Variants in HECW2 observed in about 807,000 individuals in gnomAD.
The protein encoded by HECW2 is HECT, C2 and WW domain containing E3 ubiquitin protein ligase 2, also known as E3 ubiquitin-protein ligase HECW2.
A neutral mutation model predicts 175.2 loss-of-function variants in HECW2; 61 were observed. The observed-to-expected ratio is 0.35, with a 90% CI of 0.28 to 0.43. HECW2 has a LOEUF of 0.43. Ranked by LOEUF, HECW2 falls within the 20% of genes least tolerant of loss-of-function variation. HECW2 has a pLI of 1.00. For synonymous variants in HECW2, 671 were observed against 731.0 expected (o/e 0.92, Z 1.32); for missense variants, 1,524 against 2,000.5 (o/e 0.76, Z 4.54).
chr2:196,555,142 A>AT (rs1185322555), intron 1 of HECW2, among the ~76,000 whole-genome samples: 1 of 151,994 alleles, frequency 6.6e-6, no homozygotes, highest in African/African-American at 2.4e-5. Flanking sequence ...AAAACAAGCA[A>AT]TTTTTTTTCT....
In HECW2 at chr2:196,257,919, AG is replaced by A. The variant is rs760582702; in HGVS notation, c.3336-14del. On this transcript the variant is annotated splice_polypyrimidine_tract_variant and intron_variant, in intron 17 of 28. Transcript: ENST00000644978. ...TTGGATCTTCTCCCTAATCAAGAAA[AG>A]AAACAGCACAAAATGTATATGGTAG... 5 of 1,588,276 alleles carry A rather than the reference AG, an allele frequency of 3.1e-6. No individual in the cohort carries two copies. Among genetic ancestry groups the A allele is most frequent in the Non-Finnish European group, 4.3e-6 (5 of 1,156,770 alleles).
At chr2:196,322,353 A>G in intron 7 of HECW2, 125 bp downstream of exon 7, 2 of 686,664 alleles carry the variant, frequency 2.9e-6, no homozygotes, top group Non-Finnish European at 4.7e-6. Context: ...GGACACTTTT[A>G]TTTTTAAAAG....
chr2:196,398,295 G>GA (rs1484459451), intron 2 of HECW2, among the ~76,000 whole-genome samples: 1 of 152,080 alleles, frequency 6.6e-6, no homozygotes, highest in Non-Finnish European at 1.5e-5. Context: ...AAGTCAGTGG[G>GA]AAAAAATACT....
intron 21 of HECW2, 150 bp downstream of exon 21, chr2:196,240,299 A>T (rs1162934143): frequency 6.8e-5 from 11 of 161,408 alleles, no homozygotes; most frequent in South Asian, 2.2e-4. Context: ...GGAGACCTTT[A>T]AAAAAAAAAA....
At chr2:196,343,289 A>G (rs1033512705) in intron 3 of HECW2, among the ~76,000 whole-genome samples, 2 of 152,202 alleles carry the variant, frequency 1.3e-5, no homozygotes, top group Admixed American at 6.5e-5. Flanking sequence ...CCTAACATAA[A>G]TGCTATGCAA....
At chr2:196,553,495 T>A (rs1207514813) in intron 1 of HECW2, among the ~76,000 whole-genome samples, 1 of 152,152 alleles carries the variant, frequency 6.6e-6, no homozygotes, top group African/African-American at 2.4e-5. Context: ...AGACAGATAA[T>A]AAGCAAGTAA....
At chr2:196,573,559 T>C (rs1690458126) in intron 1 of HECW2, among the ~76,000 whole-genome samples, 1 of 152,012 alleles carries the variant, frequency 6.6e-6, no homozygotes, top group African/African-American at 2.4e-5. Flanking sequence ...TATCACTATA[T>C]GACCTGGCAG....
intron 17 of HECW2, among the ~76,000 whole-genome samples, chr2:196,268,979 A>T (rs1054048036): frequency 1.3e-5 from 2 of 152,182 alleles, no homozygotes; most frequent in Admixed American, 1.3e-4. Flanking sequence ...AAACATGCAA[A>T]ATCTTCACTT....
rs982766434 is a variant in HECW2, at chr2:196,325,016, G to A, written c.705C>T (p.Ile235=). 6.2e-7 allele frequency: 1 copy of A among 1,601,248 alleles called. No individual in the cohort carries two copies. The highest frequency in any genetic ancestry group is 8.5e-7 in the Non-Finnish European group (1 of 1,176,122). The change falls in exon 6 of 29, where the codon ATC becomes ATT. Residue 235 remains isoleucine, a synonymous_variant. Transcript: ENST00000644978. ...AAATTGGATTGGTGGTGTTACTGAT[G>A]ATAGTAGACCGTCTCTCCTGCCCGT... The part of the protein sequence containing the change: ...AHHGQERRST[I]ISNTTNPIWH...
intron 10 of HECW2, chr2:196,315,716 A>T (rs1037401518): frequency 9.9e-5 from 15 of 152,204 alleles, no homozygotes; most frequent in African/African-American, 3.6e-4. Context: ...ATACATTGAG[A>T]TGTCACAAAC....
intron 2 of HECW2, among the ~76,000 whole-genome samples, chr2:196,349,950 C>G (rs1693110591): frequency 6.6e-6 from 1 of 152,156 alleles, no homozygotes; most frequent in Non-Finnish European, 1.5e-5. Flanking sequence ...ACCAAAATCT[C>G]CTGCACATTC....
At chr2:196,555,982 T>C (rs1197531940) in intron 1 of HECW2, among the ~76,000 whole-genome samples, 2 of 152,202 alleles carry the variant, frequency 1.3e-5, no homozygotes, top group African/African-American at 4.8e-5. Context: ...ACTACAATCT[T>C]CCATCAAGGC....
At chr2:196,449,876 T>C (rs1318439745) in intron 1 of HECW2, among the ~76,000 whole-genome samples, 1 of 152,212 alleles carries the variant, frequency 6.6e-6, no homozygotes, top group Non-Finnish European at 1.5e-5. Flanking sequence ...ACCCACCCTT[T>C]GCAATGGTGT....
chr2:196,524,072 T>C (rs1326414569), intron 1 of HECW2, among the ~76,000 whole-genome samples: 2 of 144,206 alleles, frequency 1.4e-5, no homozygotes, highest in East Asian at 2.0e-4. Context: ...TCCTTGTACC[T>C]CTGGTAGAAT....
chr2:196,244,593 T>C (rs1688580690), intron 19 of HECW2, among the ~76,000 whole-genome samples: 1 of 152,164 alleles, frequency 6.6e-6, no homozygotes, highest in South Asian at 2.1e-4. Flanking sequence ...AGATCAGTGT[T>C]ACACAAAAGT....
intron 1 of HECW2, among the ~76,000 whole-genome samples, chr2:196,495,091 T>TGA (rs1254283422): frequency 2.0e-5 from 3 of 150,822 alleles, no homozygotes. Context: ...TTTTTTGAGA[T>TGA]GGAGTCTCGC....
At chr2:196,338,655 T>C in intron 3 of HECW2, among the ~76,000 whole-genome samples, 1 of 152,206 alleles carries the variant, frequency 6.6e-6, no homozygotes, top group East Asian at 1.9e-4. Context: ...AGCCTGTTCC[T>C]ATTTAGAGAG....
intron 1 of HECW2, among the ~76,000 whole-genome samples, chr2:196,506,721 T>C (rs1687772274): frequency 6.6e-6 from 1 of 151,966 alleles, no homozygotes. Flanking sequence ...CTATCATAAA[T>C]AGAAAACCAG....
intron 20 of HECW2, among the ~76,000 whole-genome samples, chr2:196,241,725 T>C (rs1051010541): frequency 4.6e-5 from 7 of 152,184 alleles, no homozygotes; most frequent in Admixed American, 4.6e-4. Flanking sequence ...CTCAGGTCAG[T>C]TCAGGAGACA....
Sources: allele counts gnomAD v4.1 joint callset (sites outside exome capture counted in the v4.1 genomes callset), GRCh38; gene constraint gnomAD v4.1.1; transcripts MANE v1.5; gene names NCBI Gene and HGNC (gene_info 2026-07-23, HGNC 2026-07-21).